Variants in TBL1X observed in about 807,000 individuals in gnomAD.
TBL1X encodes the protein transducin beta like 1 X-linked.
Under a neutral mutation model 50.7 loss-of-function variants are expected in TBL1X, and 10 were observed. That is an observed-to-expected ratio of 0.20 (90% CI 0.12 to 0.33). TBL1X has a LOEUF of 0.33. TBL1X is among the 10% of genes least tolerant of loss of function. The pLI is 1.00. For synonymous variants in TBL1X, 190 were observed against 214.7 expected (o/e 0.88, Z 1.01); for missense variants, 340 against 504.4 (o/e 0.67, Z 3.12).
chrX:9,715,778 G>T (rs1322000621), intron 17 of TBL1X, among the ~76,000 whole-genome samples: 1 of 111,227 alleles, frequency 9.0e-6, no homozygotes, highest in Non-Finnish European at 1.9e-5. Flanking sequence ...TCTTCCCATG[G>T]GGCATCTGGA....
At chrX:9,600,171 G>A (rs181173206) in intron 2 of TBL1X, among the ~76,000 whole-genome samples, 7 of 111,419 alleles carry the variant, frequency 6.3e-5, no homozygotes, top group East Asian at 2.8e-4. Context: ...ACAAAATACC[G>A]TAGACTGAGT....
intron 3 of TBL1X, among the ~76,000 whole-genome samples, chrX:9,647,431 A>G (rs995500576): frequency 5.4e-5 from 6 of 111,829 alleles, no homozygotes; most frequent in Non-Finnish European, 1.1e-4. Context: ...CACAACTCCA[A>G]ACACCTCAAA....
chrX:9,703,751 G>A (rs957142539), intron 12 of TBL1X, among the ~76,000 whole-genome samples: 5 of 112,016 alleles, frequency 4.5e-5, no homozygotes, highest in East Asian at 5.7e-4. Flanking sequence ...CCCCTTGTCT[G>A]GGGCTGCTTG....
chrX:9,542,460 A>G (rs1161909919), intron 2 of TBL1X, among the ~76,000 whole-genome samples: 2 of 111,997 alleles, frequency 1.8e-5, no homozygotes, highest in Non-Finnish European at 3.8e-5. Flanking sequence ...CCACTTCCCC[A>G]GCATTTTCTT....
chrX:9,653,477 G>A, intron 3 of TBL1X, 68 bp from the exon 4 acceptor site: 1 of 685,238 alleles, frequency 1.5e-6, no homozygotes, highest in Non-Finnish European at 2.1e-6. Flanking sequence ...GACGGATGCA[G>A]CGGATTCTGT....
At chrX:9,557,463 A>T (rs753637157) in intron 2 of TBL1X, among the ~76,000 whole-genome samples, 1 of 110,696 alleles carries the variant, frequency 9.0e-6, no homozygotes, top group Non-Finnish European at 1.9e-5. Flanking sequence ...AAGAGATGCA[A>T]TGGGGCTGCT....
intron 2 of TBL1X, among the ~76,000 whole-genome samples, chrX:9,621,953 C>G (rs1361326555): frequency 9.0e-6 from 1 of 111,668 alleles, no homozygotes; most frequent in Admixed American, 9.5e-5. Flanking sequence ...ATTTTTGAAT[C>G]TGAAAAGAAA....
chrX:9,553,849 A>G (rs1166883706), intron 2 of TBL1X, among the ~76,000 whole-genome samples: 1 of 112,092 alleles, frequency 8.9e-6, no homozygotes, highest in East Asian at 2.8e-4. Flanking sequence ...AGCTAAAATT[A>G]TAGAGGGTAA....
intron 5 of TBL1X, among the ~76,000 whole-genome samples, chrX:9,665,695 C>T (rs1432430519): frequency 2.0e-5 from 2 of 102,447 alleles, no homozygotes; most frequent in Non-Finnish European, 4.0e-5. Flanking sequence ...CAGCCCGGGA[C>T]TCCTTGGGAA....
chrX:9,710,618 G>T (rs992125255), intron 15 of TBL1X, among the ~76,000 whole-genome samples: 1 of 112,528 alleles, frequency 8.9e-6, no homozygotes, highest in African/African-American at 3.2e-5. Context: ...CCTGTTGAAA[G>T]AAAGCAAGCC....
At chrX:9,681,873 A>G (rs2083027690) in intron 5 of TBL1X, among the ~76,000 whole-genome samples, 1 of 112,767 alleles carries the variant, frequency 8.9e-6, no homozygotes, top group Non-Finnish European at 1.9e-5. Context: ...TGATTGATCA[A>G]GGGGAAAGCG....
At chrX:9,504,706 A>G (rs747163128) in intron 2 of TBL1X, among the ~76,000 whole-genome samples, 2 of 112,131 alleles carry the variant, frequency 1.8e-5, no homozygotes, top group South Asian at 7.4e-4. Flanking sequence ...TCGACCAAGT[A>G]GGAGAAAGGA....
At chrX:9,589,652 T>C (rs1484388428) in intron 2 of TBL1X, among the ~76,000 whole-genome samples, 5 of 111,391 alleles carry the variant, frequency 4.5e-5, no homozygotes. Flanking sequence ...TTTTTTAAAA[T>C]GGCCATTTTT....
intron 1 of TBL1X, among the ~76,000 whole-genome samples, chrX:9,486,984 T>G (rs2081916796): frequency 8.9e-6 from 1 of 111,949 alleles, no homozygotes; most frequent in Non-Finnish European, 1.9e-5. Flanking sequence ...CTCAGTTCAT[T>G]CCTTTCAGAT....
chrX:9,583,766 G>A (rs946720424), intron 2 of TBL1X, among the ~76,000 whole-genome samples: 1 of 111,709 alleles, frequency 9.0e-6, no homozygotes, highest in Non-Finnish European at 1.9e-5. Context: ...AGTAATTATA[G>A]TTCGCCTCTT....
chrX:9,492,870 T>TA (rs748116139), intron 1 of TBL1X, among the ~76,000 whole-genome samples: 4,304 of 52,784 alleles, frequency 0.082, 162 homozygotes, highest in South Asian at 0.22. Flanking sequence ...TGTGTGTGTG[T>TA]GTGTGTGTGT....
intron 2 of TBL1X, among the ~76,000 whole-genome samples, chrX:9,528,143 A>G (rs1319730971): frequency 9.2e-6 from 1 of 109,241 alleles, no homozygotes; most frequent in Non-Finnish European, 1.9e-5. Flanking sequence ...GTAACTCCCC[A>G]TTCTCCCTTC....
At chrX:9,697,512 C>CTG in intron 12 of TBL1X, 83 bp downstream of exon 12, 2 of 1,162,321 alleles carry the variant, frequency 1.7e-6, no homozygotes, top group Non-Finnish European at 2.3e-6. Flanking sequence ...TGGCTTACGC[C>CTG]TGTAATCCCA....
In TBL1X at chrX:9,709,522, C is replaced by A. The variant is rs181190365; in HGVS notation, c.1312-111C>A. 5.5e-5 allele frequency: 60 copies of A among 1,093,587 alleles called. No homozygotes were observed. In the African/African-American group the frequency reaches 1.0e-3, roughly 19 times the overall value. 90.1% of individuals were successfully genotyped at this position (1,093,587 alleles called of 1,213,427 possible). A position where few individuals can be genotyped will look rare whatever the true frequency, so the allele number is the denominator to read the frequency against. On this transcript the variant is annotated intron_variant, in intron 14 of 17. Coordinates refer to ENST00000645353, the MANE Select transcript of TBL1X (RefSeq NM_005647.4). ...CCCTGCAGCCTTTCTCACCACTGTG[C>A]ACCCTCCACCCTGCCCTGGGCCCCG...
Sources: gnomAD v4.1 joint callset for allele counts (sites outside exome capture counted in the v4.1 genomes callset) on GRCh38, gnomAD v4.1.1 for gene constraint, MANE v1.5 for transcripts, NCBI Gene and HGNC (gene_info 2026-07-23, HGNC 2026-07-21) for gene names.